TULP4: variants seen among roughly 807,000 people sequenced by gnomAD.
TULP4 encodes TUB like protein 4.
Under a neutral mutation model 129.0 loss-of-function variants are expected in TULP4, and 16 were observed. That is an observed-to-expected ratio of 0.12 (90% confidence interval 0.08 to 0.19). The LOEUF is 0.19. Among genes scored for constraint, TULP4 ranks in the 10% least tolerant of loss-of-function variants. The probability of loss-of-function intolerance (pLI) is 1.00; values close to 1 mark genes in which losing one functional copy is unlikely to be tolerated. For synonymous variants in TULP4, 998 were observed against 854.0 expected (o/e 1.17, Z -2.94); for missense variants, 1,842 against 2,059.1 (o/e 0.89, Z 2.04).
Position 158,444,219 on chromosome 6 carries a change from C to CAAAAAAAA in TULP4, c.544-4757_544-4750dup, listed in dbSNP as rs71030171. Reference sequence around the variant, plus strand: ...TGGGCGACAGAGCAAGACTCTGTCTCAAAAAAAAAAAAAAAAAAAAAAAAA... The same window carrying CAAAAAAAA: ...TGGGCGACAGAGCAAGACTCTGTCTCAAAAAAAAAAAAAAAAAAAAAAAAAAAAAAAAA... On this transcript the variant is annotated intron_variant, in intron 3 of 13. Transcript: ENST00000367097. Among the ~76,000 whole-genome samples, 4 of 34,130 alleles carry CAAAAAAAA rather than the reference C, an allele frequency of 1.2e-4. 1 individual carries two copies. Among genetic ancestry groups the CAAAAAAAA allele is most frequent in the African/African-American group, 4.6e-4 (4 of 8,706 alleles). 22.4% of individuals were successfully genotyped at this position (34,130 alleles called of 152,430 possible).
intron 1 of TULP4, among the ~76,000 whole-genome samples, chr6:158,286,237 G>A (rs1457143119): frequency 6.6e-6 from 1 of 152,130 alleles, no homozygotes; most frequent in Non-Finnish European, 1.5e-5. Context: ...AGAATTCTAA[G>A]TAATAATCCA....
At chr6:158,349,688 G>C (rs1780449167) in intron 1 of TULP4, among the ~76,000 whole-genome samples, 1 of 144,904 alleles carries the variant, frequency 6.9e-6, no homozygotes, top group Non-Finnish European at 1.5e-5. Context: ...CAGCCGGGCA[G>C]AGGTGCTCCT....
intron 1 of TULP4, among the ~76,000 whole-genome samples, chr6:158,306,569 G>T (rs1779219444): frequency 6.6e-6 from 1 of 152,166 alleles, no homozygotes; most frequent in Non-Finnish European, 1.5e-5. Context: ...AATAAAGAAA[G>T]AAGGAAAGAT....
Position 158,502,289 on chromosome 6 carries a change from T to C in TULP4, c.2626T>C (p.Ser876Pro). ...KKGDFSLYPT[S>P]VHYQTPLGYE... ...GGGCGACTTCTCCCTCTACCCCACG[T>C]CAGTGCACTACCAGACCCCCCTGGG... Residue 876 changes from serine (S) to proline (P), a missense_variant, in exon 13 of 14, where the codon TCA becomes CCA. Around this residue, in one of 5 missense-constraint regions of TULP4, gnomAD observed 1,089 missense variants for 987.1 expected, o/e 1.10. Transcript: ENST00000367097. 6.2e-7 allele frequency: 1 copy of C among 1,602,078 alleles called. No homozygotes were observed. Among genetic ancestry groups the C allele is most frequent in the South Asian group, 1.1e-5 (1 of 90,670 alleles).
At chr6:158,480,693 GT>G (rs58685533) in intron 7 of TULP4, among the ~76,000 whole-genome samples, 1 of 150,790 alleles carries the variant, frequency 6.6e-6, no homozygotes, top group Non-Finnish European at 1.5e-5. Context: ...CTGTTGGGTT[GT>G]TTTTTTTTCC....
intron 1 of TULP4, among the ~76,000 whole-genome samples, chr6:158,302,429 A>G (rs1562511469): frequency 2.0e-5 from 3 of 152,370 alleles, no homozygotes; most frequent in African/African-American, 2.4e-5. Context: ...TAATTACAGC[A>G]TTAATGGCCC....
chr6:158,388,907 G>A (rs1055113176), intron 1 of TULP4, among the ~76,000 whole-genome samples: 1 of 152,172 alleles, frequency 6.6e-6, no homozygotes, highest in African/African-American at 2.4e-5. Context: ...GACAGCAGAG[G>A]TGGCACCTCC....
intron 1 of TULP4, among the ~76,000 whole-genome samples, chr6:158,364,414 A>G (rs1780874985): frequency 6.6e-6 from 1 of 152,092 alleles, no homozygotes; most frequent in African/African-American, 2.4e-5. Context: ...GGTTTTTATT[A>G]TTTTTATTGA....
In TULP4 at chr6:158,449,013, C is replaced by A; in HGVS notation, c.561C>A (p.Ala187=). 6.2e-7 allele frequency: 1 copy of A among 1,611,758 alleles called. No homozygotes were observed. Among genetic ancestry groups the A allele is most frequent in the Non-Finnish European group, 8.5e-7 (1 of 1,178,476 alleles). The change falls in exon 4 of 14, where the codon GCC becomes GCA. Residue 187 remains alanine (A), a synonymous_variant. Transcript: ENST00000367097. ...PDDQQVLFGT[A]DGQVIVMDCH... ...GATTGCAGGTGCTGTTTGGCACGGCCGATGGGCAGGTGATTGTCATGGATT... is the reference window on the plus strand; with the variant it reads ...GATTGCAGGTGCTGTTTGGCACGGCAGATGGGCAGGTGATTGTCATGGATT...
rs527286732 is a variant in TULP4 at position 158,486,184 on chromosome 6, A to T, written c.1487-3404A>T. Among the ~76,000 whole-genome samples, 6 of 152,264 alleles carry T rather than the reference A, an allele frequency of 3.9e-5. No individual in the cohort carries two copies. The East Asian group carries it at 5.8e-4, about 15-fold the overall frequency. ...TCATATTGGGAAGTCCTGACTCCCA[A>T]TGTGACTGTATTTGGAGTTAGGACT... is the stretch of plus-strand genomic sequence containing the variant. On this transcript the variant is annotated intron_variant, in intron 8 of 13. Transcript: ENST00000367097.
At chr6:158,325,426 C>T (rs981790077) in intron 1 of TULP4, among the ~76,000 whole-genome samples, 7 of 150,480 alleles carry the variant, frequency 4.7e-5, no homozygotes, top group African/African-American at 1.5e-4. Flanking sequence ...AATCTCGGCT[C>T]ACTGCAAGCT....
chr6:158,395,182 A>T (rs1421106158), intron 1 of TULP4, among the ~76,000 whole-genome samples: 1 of 152,166 alleles, frequency 6.6e-6, no homozygotes, highest in Admixed American at 6.5e-5. Flanking sequence ...TTTGGAGGGG[A>T]CAAATATTCA....
chr6:158,503,216 T>C lies in TULP4; in HGVS notation c.3553T>C (p.Tyr1185His). Reference protein sequence around the residue: ...ASPTATFQTGYGMGVPYPGSY... With the variant: ...ASPTATFQTGHGMGVPYPGSY... ...CCCCACTGCCACTTTCCAAACAGGC[T>C]ATGGGATGGGAGTGCCATATCCAGG... The change falls in exon 13 of 14, where the codon TAT (tyrosine) becomes CAT (histidine). Residue 1185 changes from tyrosine (Y) to histidine (H), a missense_variant. Tyr to His is a moderately conservative substitution (Grantham distance 83). Around this residue, in one of 5 missense-constraint regions of TULP4, gnomAD observed 1,089 missense variants for 987.1 expected, o/e 1.10. Coordinates refer to ENST00000367097, the MANE Select transcript of TULP4 (RefSeq NM_020245.5). The surrounding 1 kb of genome is among the most constrained non-coding windows in gnomAD (Gnocchi z 4.3). 1.2e-6 allele frequency: 2 copies of C among 1,614,066 alleles called. No homozygotes were observed. Among genetic ancestry groups the C allele is most frequent in the Non-Finnish European group, 1.7e-6 (2 of 1,180,014 alleles).
intron 1 of TULP4, among the ~76,000 whole-genome samples, chr6:158,273,927 A>C (rs533823023): frequency 7.2e-5 from 11 of 152,212 alleles, no homozygotes; most frequent in Non-Finnish European, 1.5e-4. Flanking sequence ...ACTGAATTAC[A>C]GAGAGATTAA....
At position 158,479,932 on chromosome 6, in the gene TULP4, G is replaced by C; in HGVS notation, c.1208G>C (p.Arg403Pro). The C allele has an allele frequency of 6.2e-7, 1 of 1,610,584 alleles. No homozygotes were observed. Among genetic ancestry groups the C allele is most frequent in the Non-Finnish European group, 8.5e-7 (1 of 1,179,904 alleles). ...KDVSKLTLPP[R>P]LCSYLSTAFI... ...GTCAGCAAGCTGACTCTGCCCCCCC[G>C]CCTCTGCTCCTACCTCTCCACTGCC... is the stretch of plus-strand genomic sequence containing the variant. The change falls in exon 7 of 14, where the codon CGC (arginine) becomes CCC (proline). Residue 403 changes from arginine (R) to proline (P), a missense_variant. By Grantham distance (103) the Arg-to-Pro change is moderately radical. Coordinates refer to ENST00000367097, the MANE Select transcript of TULP4 (RefSeq NM_020245.5).
intron 1 of TULP4, among the ~76,000 whole-genome samples, chr6:158,342,545 A>T (rs931961291): frequency 6.6e-6 from 1 of 152,258 alleles, no homozygotes; most frequent in African/African-American, 2.4e-5. Flanking sequence ...GCTTAAGCAT[A>T]TAAGTTTCCT....
chr6:158,233,572 T>C (rs1253485755), intron 1 of TULP4, among the ~76,000 whole-genome samples: 2 of 152,166 alleles, frequency 1.3e-5, no homozygotes, highest in African/African-American at 4.8e-5. Context: ...GCCAGATTGC[T>C]GGGGTGTGAG....
chr6:158,478,906 G>A (rs1244486321), intron 6 of TULP4, among the ~76,000 whole-genome samples: 1 of 152,110 alleles, frequency 6.6e-6, no homozygotes, highest in Non-Finnish European at 1.5e-5. Flanking sequence ...CACAGGAACC[G>A]TGTTCTCCTC....
chr6:158,288,702 G>C (rs926211662), intron 1 of TULP4, among the ~76,000 whole-genome samples: 1 of 151,880 alleles, frequency 6.6e-6, no homozygotes, highest in Non-Finnish European at 1.5e-5. Context: ...GGGTTTCACC[G>C]TGTTAGCCAG....
Sources: gnomAD v4.1 joint callset for allele counts (sites outside exome capture counted in the v4.1 genomes callset) on GRCh38, gnomAD v4.1.1 for gene constraint, gnomAD v4.1.1 regional missense constraint, Gnocchi (gnomAD v3.1) non-coding constraint, MANE v1.5 for transcripts, NCBI Gene and HGNC (gene_info 2026-07-23, HGNC 2026-07-21) for gene names.